Variants in BRD10 observed in about 807,000 individuals in gnomAD.
BRD10 encodes uncharacterized bromodomain-containing protein 10.
At chr9:5,965,988 A>G in the BRD10 span, among the ~76,000 whole-genome samples, 1 of 152,234 alleles carries the variant, frequency 6.6e-6, no homozygotes, top group Admixed American at 6.5e-5. Flanking sequence ...TGATGAAAAA[A>G]GGGAATTGGC....
chr9:6,006,784 G>C, the BRD10 span, among the ~76,000 whole-genome samples: 3 of 152,142 alleles, frequency 2.0e-5, no homozygotes, highest in Non-Finnish European at 4.4e-5. Context: ...TTTTACATAA[G>C]CCAAAATTAT....
the BRD10 span, chr9:5,921,854 T>A: frequency 1.2e-6 from 2 of 1,613,842 alleles, no homozygotes; most frequent in Admixed American, 3.3e-5. Flanking sequence ...GTGGCCCAAA[T>A]CACCACTGCC....
At chr9:5,914,104 C>A in the BRD10 span, 4 of 435,690 alleles carry the variant, frequency 9.2e-6, no homozygotes, top group South Asian at 1.7e-5. Context: ...ACAAAGTTGA[C>A]TAAAGCAGTT....
the BRD10 span, among the ~76,000 whole-genome samples, chr9:5,979,712 TTTATC>T: frequency 1.3e-5 from 2 of 152,108 alleles, no homozygotes; most frequent in African/African-American, 4.8e-5. Flanking sequence ...TTGATTTTAT[TTTATC>T]TTTTAAGTAT....
chr9:5,988,923 A>G, the BRD10 span, among the ~76,000 whole-genome samples: 1 of 152,220 alleles, frequency 6.6e-6, no homozygotes, highest in Non-Finnish European at 1.5e-5. Context: ...AAAATGATAC[A>G]TAAACACTTT....
chr9:5,915,162 C>T, the BRD10 span, among the ~76,000 whole-genome samples: 1 of 151,912 alleles, frequency 6.6e-6, no homozygotes, highest in Admixed American at 6.6e-5. Context: ...TTAAAAAATA[C>T]CTTTCTTTAT....
chr9:5,895,997 C>T, the BRD10 span, among the ~76,000 whole-genome samples: 1 of 152,194 alleles, frequency 6.6e-6, no homozygotes, highest in African/African-American at 2.4e-5. Context: ...CCTTCAGTCA[C>T]GAGAACACAC....
At chr9:5,969,422 T>C in the BRD10 span, 3 of 1,566,030 alleles carry the variant, frequency 1.9e-6, no homozygotes, top group Non-Finnish European at 2.6e-6. Flanking sequence ...TTCTTTTCTT[T>C]CCTGCTCCCG....
the BRD10 span, among the ~76,000 whole-genome samples, chr9:5,949,152 G>A: frequency 6.6e-6 from 1 of 152,088 alleles, no homozygotes; most frequent in Non-Finnish European, 1.5e-5. Context: ...TTAAGAGGGA[G>A]CAATTCAAAA....
the BRD10 span, among the ~76,000 whole-genome samples, chr9:5,894,268 G>A: frequency 6.6e-6 from 1 of 152,056 alleles, no homozygotes; most frequent in East Asian, 1.9e-4. The surrounding 1 kb of genome is among the most constrained non-coding windows in gnomAD (Gnocchi z 4.0). Flanking sequence ...CCTGAACAAG[G>A]TAACTTTCAG....
At chr9:5,969,407 T>A in the BRD10 span, 1 of 1,582,260 alleles carries the variant, frequency 6.3e-7, no homozygotes. Context: ...ACTAGCTTCT[T>A]CTGCTTCTTT....
At chr9:5,881,104 C>A in the BRD10 span, among the ~76,000 whole-genome samples, 1 of 152,176 alleles carries the variant, frequency 6.6e-6, no homozygotes, top group Admixed American at 6.5e-5. Flanking sequence ...TTCCTTTACA[C>A]ACTTCACACA....
At chr9:5,913,721 G>C in the BRD10 span, 1 of 186,192 alleles carries the variant, frequency 5.4e-6, no homozygotes, top group Non-Finnish European at 1.1e-5. Flanking sequence ...AGAACTTCTA[G>C]GTAAATCAAA....
At chr9:5,968,001 C>T in the BRD10 span, 11 of 1,383,862 alleles carry the variant, frequency 7.9e-6, no homozygotes, top group South Asian at 1.4e-5. Context: ...TAACTCCCAT[C>T]CATTTGTGTT....
the BRD10 span, among the ~76,000 whole-genome samples, chr9:5,949,199 G>GA: frequency 6.6e-6 from 1 of 152,074 alleles, no homozygotes; most frequent in Non-Finnish European, 1.5e-5. Context: ...ACAGTAAGCA[G>GA]TTAAAAAGCT....
At chr9:5,921,309 A>T in the BRD10 span, 1 of 1,613,880 alleles carries the variant, frequency 6.2e-7, no homozygotes, top group Non-Finnish European at 8.5e-7. Flanking sequence ...GCTGGTGATG[A>T]ATTTATTTTT....
the BRD10 span, among the ~76,000 whole-genome samples, chr9:5,969,735 G>A: frequency 1.3e-5 from 2 of 151,952 alleles, no homozygotes; most frequent in Admixed American, 6.6e-5. Flanking sequence ...TAGTAGAGAC[G>A]GGGTTTCACC....
At chr9:5,941,091 G>A in the BRD10 span, among the ~76,000 whole-genome samples, 1 of 151,922 alleles carries the variant, frequency 6.6e-6, no homozygotes, top group African/African-American at 2.4e-5. Flanking sequence ...AACATAAAGG[G>A]CATTAAACAA....
At chr9:5,921,357 G>C in the BRD10 span, 1 of 1,613,928 alleles carries the variant, frequency 6.2e-7, no homozygotes, top group Non-Finnish European at 8.5e-7. Context: ...AGTACTATTT[G>C]GGGTTGCTCT....
Sources: gnomAD v4.1 joint callset for allele counts (sites outside exome capture counted in the v4.1 genomes callset) on GRCh38, gnomAD v4.1.1 for gene constraint, Gnocchi (gnomAD v3.1) non-coding constraint, MANE v1.5 for transcripts, NCBI Gene and HGNC (gene_info 2026-07-23, HGNC 2026-07-21) for gene names.